The following PIK3CD variants were observed in gnomAD, a reference collection of about 807,000 sequenced individuals.
PIK3CD encodes the protein phosphatidylinositol-4,5-bisphosphate 3-kinase catalytic subunit delta.
In PIK3CD, 20 loss-of-function variants were observed where a neutral mutation model predicts 122.9. That is an observed-to-expected ratio of 0.16 (90% CI 0.11 to 0.24). PIK3CD has a LOEUF of 0.24. PIK3CD is among the 10% of genes least tolerant of loss of function. The probability of loss-of-function intolerance (pLI) is 1.00; values close to 1 mark genes in which losing one functional copy is unlikely to be tolerated. For synonymous variants in PIK3CD, 596 were observed against 593.4 expected (o/e 1.00, Z -0.06); for missense variants, 787 against 1,406.3 (o/e 0.56, Z 7.04).
At chr1:9,687,362 T>A (rs1012855822) in intron 1 of PIK3CD, 1 of 152,172 alleles carries the variant, frequency 6.6e-6, no homozygotes, top group Non-Finnish European at 1.5e-5. Flanking sequence ...CACCCAGAAC[T>A]CCTCCCAGCC....
intron 1 of PIK3CD, among the ~76,000 whole-genome samples, chr1:9,677,638 C>CT (rs1192539986): frequency 1.4e-5 from 2 of 139,582 alleles, no homozygotes; most frequent in East Asian, 4.1e-4. Context: ...AAGTGAGACC[C>CT]TGTCTAAAAA....
At position 9,720,402 on chromosome 1, in the gene PIK3CD, G is replaced by A; in HGVS notation, c.1470+160G>A. ...GGGCCATTTTGCCTGCAGGGATGCT[G>A]CGCAGTCTGATGACATTTTCGGTTG... On this transcript the variant is annotated intron_variant, in intron 11 of 23. Transcript: ENST00000377346. This position sits in a 1 kb window ranked among gnomAD's most constrained non-coding sequence, Gnocchi z 9.0. 1 of 1,369,932 alleles carries A rather than the reference G, an allele frequency of 7.3e-7. No individual in the cohort carries two copies. The highest frequency in any genetic ancestry group is 9.9e-7 in the Non-Finnish European group (1 of 1,014,634). The allele number at this position is 1,369,932 out of a possible 1,614,324, so 84.9% of individuals were successfully genotyped here.
chr1:9,708,146 G>A (rs1458431178), intron 2 of PIK3CD, among the ~76,000 whole-genome samples: 1 of 151,992 alleles, frequency 6.6e-6, no homozygotes, highest in Non-Finnish European at 1.5e-5. Context: ...GCAGGTCGCA[G>A]AAGACTCCGT....
rs34570604 is a variant in PIK3CD, at chr1:9,727,808, CT to C, written c.*776del. ...AATACTCTGCCATTATCTCAAAAATCTTTTTTTTTTTTTTGAGATGGGGTCT... is the reference window on the plus strand; with the variant it reads ...AATACTCTGCCATTATCTCAAAAATCTTTTTTTTTTTTTGAGATGGGGTCT... On this transcript the variant is annotated 3_prime_UTR_variant, in exon 24 of 24. Transcript: ENST00000377346. The C allele has an allele frequency of 0.034, 5,760 of 167,662 alleles. 2 individuals are homozygous for C. The highest frequency in any genetic ancestry group is 0.072 in the East Asian group (699 of 9,758). 10.4% of individuals were successfully genotyped at this position (167,662 alleles called of 1,614,324 possible).
rs988305562 is a variant in PIK3CD, at chr1:9,717,400, A to C, written c.931-137A>C. The C allele has an allele frequency of 3.3e-6, 3 of 907,264 alleles. No individual in the cohort carries two copies. The highest frequency in any genetic ancestry group is 5.3e-6 in the Non-Finnish European group (3 of 561,370). The allele number at this position is 907,264 out of a possible 1,614,324, so 56.2% of individuals were successfully genotyped here. A position where few individuals can be genotyped will look rare whatever the true frequency, so the allele number is the denominator to read the frequency against. On this transcript the variant is annotated intron_variant, in intron 7 of 23. Coordinates refer to ENST00000377346, the MANE Select transcript of PIK3CD (RefSeq NM_005026.5). This position sits in a 1 kb window ranked among gnomAD's most constrained non-coding sequence, Gnocchi z 5.4. ...GGCAGGTTTTCTGGGAAAGGATAGCATTGTGGACAGGCCCAAACCTGGCCG... is the reference window on the plus strand; with the variant it reads ...GGCAGGTTTTCTGGGAAAGGATAGCCTTGTGGACAGGCCCAAACCTGGCCG...
intron 3 of PIK3CD, among the ~76,000 whole-genome samples, chr1:9,711,439 G>A (rs1390824831): frequency 6.6e-6 from 1 of 152,134 alleles, no homozygotes; most frequent in African/African-American, 2.4e-5. Context: ...ACTTGTGGTT[G>A]CGTCCAATTA....
chr1:9,687,165 A>C (rs1016659407), intron 1 of PIK3CD, among the ~76,000 whole-genome samples: 2 of 152,006 alleles, frequency 1.3e-5, no homozygotes, highest in Non-Finnish European at 2.9e-5. Flanking sequence ...CTTTCCCTCC[A>C]TCCATGCTGG....
chr1:9,721,954 G>A lies in PIK3CD; in HGVS notation c.2056-21G>A, dbSNP rs200338153. The A allele has an allele frequency of 4.4e-5, 71 of 1,613,166 alleles. No homozygotes were observed. In the African/African-American group the frequency reaches 6.9e-4, roughly 16 times the overall value. On this transcript the variant is annotated intron_variant, in intron 16 of 23. Transcript: ENST00000377346. ...TCGAGGCTGGGACCTGCCCACCGCCGCCCTCCCATCTGCCCACCAGGGGGA... is the reference window on the plus strand; with the variant it reads ...TCGAGGCTGGGACCTGCCCACCGCCACCCTCCCATCTGCCCACCAGGGGGA...
At chr1:9,666,459 C>T (rs1036730412) in intron 1 of PIK3CD, among the ~76,000 whole-genome samples, 1 of 151,790 alleles carries the variant, frequency 6.6e-6, no homozygotes, top group African/African-American at 2.4e-5. Context: ...TCTTGAACTC[C>T]TGAGCTCAAG....
chr1:9,671,248 T>C (rs1326327329), intron 1 of PIK3CD, among the ~76,000 whole-genome samples: 1 of 152,104 alleles, frequency 6.6e-6, no homozygotes, highest in African/African-American at 2.4e-5. Context: ...TACAGGTTCA[T>C]GCCATCACAC....
intron 2 of PIK3CD, among the ~76,000 whole-genome samples, chr1:9,694,303 G>A (rs950540170): frequency 3.3e-5 from 5 of 152,018 alleles, no homozygotes; most frequent in Admixed American, 6.6e-5. Context: ...AGGCCGAGGC[G>A]GGAGGATCAT....
upstream of PIK3CD, among the ~76,000 whole-genome samples, chr1:9,647,335 A>C (rs1343313856): frequency 6.6e-6 from 1 of 151,974 alleles, no homozygotes; most frequent in Non-Finnish European, 1.5e-5. Context: ...CAGAGGTTGC[A>C]GTGAGTTGAG....
At chr1:9,671,222 C>T (rs1358704479) in intron 1 of PIK3CD, among the ~76,000 whole-genome samples, 1 of 152,114 alleles carries the variant, frequency 6.6e-6, no homozygotes, top group Non-Finnish European at 1.5e-5. Flanking sequence ...ACCGCAGCCT[C>T]CCAAGTAGCC....
intron 2 of PIK3CD, among the ~76,000 whole-genome samples, chr1:9,695,637 T>A (rs1288868856): frequency 2.7e-5 from 4 of 150,764 alleles, no homozygotes; most frequent in South Asian, 2.1e-4. Flanking sequence ...AGGTCAGGAG[T>A]TCAAGACCAG....
At chr1:9,638,569 A>G in the PIK3CD span, among the ~76,000 whole-genome samples, 1 of 151,620 alleles carries the variant, frequency 6.6e-6, no homozygotes, top group African/African-American at 2.4e-5. Flanking sequence ...CGTCTCTACT[A>G]AAAATACAAA....
At chr1:9,676,128 C>T (rs1431562875) in intron 1 of PIK3CD, among the ~76,000 whole-genome samples, 1 of 152,086 alleles carries the variant, frequency 6.6e-6, no homozygotes, top group African/African-American at 2.4e-5. Context: ...CATGGGGTTT[C>T]ACCATGTTGG....
the PIK3CD span, among the ~76,000 whole-genome samples, chr1:9,630,901 G>A: frequency 6.6e-6 from 1 of 152,114 alleles, no homozygotes; most frequent in Non-Finnish European, 1.5e-5. Flanking sequence ...GATGGGAGGT[G>A]ACCCTGGGAG....
At chr1:9,702,319 CTG>C (rs965696760) in intron 2 of PIK3CD, among the ~76,000 whole-genome samples, 3 of 151,722 alleles carry the variant, frequency 2.0e-5, no homozygotes, top group Non-Finnish European at 4.4e-5. Context: ...GGTCTAAAAA[CTG>C]TATCACAGGG....
intron 2 of PIK3CD, among the ~76,000 whole-genome samples, chr1:9,694,657 A>G (rs1382453220): frequency 6.6e-6 from 1 of 152,090 alleles, no homozygotes; most frequent in Non-Finnish European, 1.5e-5. Flanking sequence ...GCCAAGGGCC[A>G]TCCCACATGG....
Sources: allele counts gnomAD v4.1 joint callset (sites outside exome capture counted in the v4.1 genomes callset), GRCh38; gene constraint gnomAD v4.1.1; non-coding constraint Gnocchi (gnomAD v3.1); transcripts MANE v1.5; gene names NCBI Gene and HGNC (gene_info 2026-07-23, HGNC 2026-07-21).